The following CSTF3 variants were observed in gnomAD, a reference collection of about 807,000 sequenced individuals.
The protein encoded by CSTF3 is cleavage stimulation factor subunit 3.
In CSTF3, 29 loss-of-function variants were observed where a neutral mutation model predicts 105.8. That is an observed-to-expected ratio of 0.27 (90% CI 0.20 to 0.37). CSTF3 has a LOEUF of 0.37. Ranked by LOEUF, CSTF3 falls within the 10% of genes least tolerant of loss-of-function variation. CSTF3 has a pLI of 1.00. For synonymous variants in CSTF3, 252 were observed against 281.9 expected, an observed-to-expected ratio of 0.89 and a Z score of 1.06; for missense variants, 357 against 879.3, an observed-to-expected ratio of 0.41 and a Z score of 7.51.
intron 1 of CSTF3, among the ~76,000 whole-genome samples, chr11:33,148,471 T>C (rs1590287048): frequency 6.6e-6 from 1 of 152,056 alleles, no homozygotes; most frequent in Non-Finnish European, 1.5e-5. Flanking sequence ...CCAAGGCAGG[T>C]GGATCACTTC....
chr11:33,116,572 T>C (rs555296764), intron 3 of CSTF3, among the ~76,000 whole-genome samples: 7 of 152,206 alleles, frequency 4.6e-5, no homozygotes, highest in African/African-American at 1.4e-4. Context: ...AAAAAGAATA[T>C]GCATAGGAAA....
intron 15 of CSTF3, among the ~76,000 whole-genome samples, chr11:33,095,281 C>T (rs993199588): frequency 2.0e-5 from 3 of 152,174 alleles, no homozygotes; most frequent in African/African-American, 7.2e-5. Context: ...GGCGTGATCA[C>T]AGCTCACTGT....
At chr11:33,126,907 G>A (rs927640659) in intron 3 of CSTF3, among the ~76,000 whole-genome samples, 3 of 152,140 alleles carry the variant, frequency 2.0e-5, no homozygotes, top group Non-Finnish European at 4.4e-5. Context: ...AGGAGAACTT[G>A]GTAAAGGATA....
rs1185852189 is a variant in CSTF3, at chr11:33,108,283, C to T, written c.258+103G>A. The T allele has an allele frequency of 2.2e-5, 24 of 1,072,914 alleles. No homozygotes were observed. The East Asian group carries it at 7.5e-4, about 33-fold the overall frequency. The allele number at this position is 1,072,914 out of a possible 1,614,324, so 66.5% of individuals were successfully genotyped here. ...AGTACAATTAACTTGTAAAAAATCA[C>T]TATCTAGATTCAATTATTATTAACA... On this transcript the variant is annotated intron_variant, in intron 4 of 20. Coordinates refer to ENST00000323959, the MANE Select transcript of CSTF3 (RefSeq NM_001326.3).
intron 3 of CSTF3, among the ~76,000 whole-genome samples, chr11:33,121,727 T>C (rs1489062450): frequency 6.6e-6 from 1 of 152,110 alleles, no homozygotes; most frequent in Non-Finnish European, 1.5e-5. Flanking sequence ...TGGCAAGCTC[T>C]GGGTTAAGGT....
chr11:33,112,242 G>A (rs1055080748), intron 3 of CSTF3, among the ~76,000 whole-genome samples: 5 of 150,706 alleles, frequency 3.3e-5, no homozygotes, highest in East Asian at 3.9e-4. Flanking sequence ...TGACAAGAGC[G>A]AAACTCTGTG....
chr11:33,090,730 G>C lies in CSTF3; in HGVS notation c.1446-3C>G. 1 of 1,513,658 alleles carries C rather than the reference G, an allele frequency of 6.6e-7. No homozygotes were observed. Among genetic ancestry groups the C allele is most frequent in the Non-Finnish European group, 8.8e-7 (1 of 1,131,646 alleles). The allele number at this position is 1,513,658 out of a possible 1,614,324, so 93.8% of individuals were successfully genotyped here. A position where few individuals can be genotyped will look rare whatever the true frequency, so the allele number is the denominator to read the frequency against. On this transcript the variant is annotated splice_polypyrimidine_tract_variant and splice_region_variant and intron_variant, in intron 16 of 20. Coordinates refer to ENST00000323959, the MANE Select transcript of CSTF3 (RefSeq NM_001326.3). ...CTAGAAATCGGGCCCAGATTTCTCT[G>C]CAAGAAAAGAAATACAATCAATACT...
rs200386340 is a variant in CSTF3 at position 33,158,842 on chromosome 11, C to CAA, written c.27+2455_27+2456dup. On this transcript the variant is annotated intron_variant, in intron 1 of 20. Coordinates refer to ENST00000323959, the MANE Select transcript of CSTF3 (RefSeq NM_001326.3). ...AACCAAAAGCAAGCAAGCAAACAAA[C>CAA]AACAAAAAACAAATACACCCAGAAA... 9.0e-3 allele frequency among the ~76,000 whole-genome samples: 1,362 copies of CAA among 152,074 alleles called. 5 individuals carry two copies. Among genetic ancestry groups the CAA allele is most frequent in the Non-Finnish European group, 0.013 (883 of 67,952 alleles).
chr11:33,130,664 T>C (rs1290825516), intron 3 of CSTF3, among the ~76,000 whole-genome samples: 1 of 152,162 alleles, frequency 6.6e-6, no homozygotes. Flanking sequence ...TTAATAACAC[T>C]CCTAATTCCT....
At chr11:33,133,934 A>G (rs1212170635) in intron 3 of CSTF3, among the ~76,000 whole-genome samples, 2 of 152,244 alleles carry the variant, frequency 1.3e-5, no homozygotes, top group Non-Finnish European at 2.9e-5. Flanking sequence ...TGACAAAAGT[A>G]TAACATAGAC....
chr11:33,102,156 C>T (rs1486654340), intron 10 of CSTF3, 21 bp downstream of exon 10: 3 of 1,609,820 alleles, frequency 1.9e-6, no homozygotes, highest in Middle Eastern at 1.9e-4. Flanking sequence ...ACTGAAGTCC[C>T]ATGAGGGTTA....
rs994168636 is a variant in CSTF3, at chr11:33,085,008, A to G, written c.*79T>C. On this transcript the variant is annotated 3_prime_UTR_variant, in exon 21 of 21. Coordinates refer to ENST00000323959, the MANE Select transcript of CSTF3 (RefSeq NM_001326.3). ...CTTTGTTTCCAAGAACCTTGTAACA[A>G]AGCGTTGTCTCTTTTAAACATACCA... The G allele has an allele frequency of 8.2e-6, 12 of 1,467,572 alleles. No homozygotes were observed. In the Middle Eastern group the frequency reaches 1.0e-3, roughly 126 times the overall value. The allele number at this position is 1,467,572 out of a possible 1,614,324, so 90.9% of individuals were successfully genotyped here. A position where few individuals can be genotyped will look rare whatever the true frequency, so the allele number is the denominator to read the frequency against.
intron 3 of CSTF3, among the ~76,000 whole-genome samples, chr11:33,130,763 T>C (rs917013005): frequency 2.6e-5 from 4 of 151,914 alleles, no homozygotes; most frequent in African/African-American, 4.8e-5. Flanking sequence ...TGTTCTTTGA[T>C]TGAGTCCAGG....
chr11:33,142,115 A>C (rs1229028305), intron 1 of CSTF3, 129 bp from the exon 2 acceptor site: 1 of 1,456,316 alleles, frequency 6.9e-7, no homozygotes, highest in Middle Eastern at 1.9e-4. Context: ...CTCTTATAAA[A>C]GAGAAGTGTG....
At chr11:33,154,231 G>A (rs1403540039) in intron 1 of CSTF3, among the ~76,000 whole-genome samples, 1 of 152,014 alleles carries the variant, frequency 6.6e-6, no homozygotes, top group Non-Finnish European at 1.5e-5. Flanking sequence ...CTTTTATAAC[G>A]CACCTAATTA....
chr11:33,153,706 A>G (rs907015939), intron 1 of CSTF3, among the ~76,000 whole-genome samples: 17 of 116,740 alleles, frequency 1.5e-4, no homozygotes, highest in Non-Finnish European at 3.3e-4. Flanking sequence ...ATGCAGGTAA[A>G]ACAGACAAAA....
At chr11:33,135,440 AAC>A (rs930317232) in intron 3 of CSTF3, among the ~76,000 whole-genome samples, 1 of 152,190 alleles carries the variant, frequency 6.6e-6, no homozygotes, top group African/African-American at 2.4e-5. Flanking sequence ...AGCTGCCAGA[AAC>A]ACATACCATA....
intron 3 of CSTF3, among the ~76,000 whole-genome samples, chr11:33,135,797 T>A (rs1433795379): frequency 1.3e-5 from 2 of 152,118 alleles, no homozygotes; most frequent in Non-Finnish European, 2.9e-5. Flanking sequence ...TTGCAGAATA[T>A]GAATCTTAGG....
chr11:33,108,504 C>A, intron 3 of CSTF3, 86 bp from the exon 4 acceptor site: 1 of 1,035,826 alleles, frequency 9.7e-7, no homozygotes, highest in Non-Finnish European at 1.3e-6. Flanking sequence ...ACCAACTTTG[C>A]AAATTCATCC....
Sources: gnomAD v4.1 joint callset for allele counts (sites outside exome capture counted in the v4.1 genomes callset) on GRCh38, gnomAD v4.1.1 for gene constraint, MANE v1.5 for transcripts, NCBI Gene and HGNC (gene_info 2026-07-23, HGNC 2026-07-21) for gene names.